Variants in ADRB1 observed in about 807,000 individuals in gnomAD.
The protein encoded by ADRB1 is adrenoceptor beta 1.
For missense variants in ADRB1, 635 were observed against 709.1 expected, an observed-to-expected ratio of 0.90 and a Z score of 1.19; for synonymous variants, 365 against 347.2, an observed-to-expected ratio of 1.05 and a Z score of -0.57.
rs1178326731 is a variant in ADRB1 at position 114,044,956 on chromosome 10, C to T, written c.824C>T (p.Pro275Leu). The stretch of plus-strand genomic sequence containing the variant: ...GGCGGCCCAGCGCGGCCGCCCTCGC[C>T]CTCGCCCTCGCCCGTCCCCGCGCCC... Reference protein sequence around the residue: ...FLGGPARPPSPSPSPVPAPAP... With the variant: ...FLGGPARPPSLSPSPVPAPAP... The change falls in exon 1 of 1, where the codon CCC becomes CTC. Residue 275 changes from proline (P) to leucine (L), a missense_variant. Physicochemically the swap from Pro to Leu is moderately conservative, Grantham distance 98 (BLOSUM62 -3). Transcript: ENST00000369295. The surrounding 1 kb of genome is among the most constrained non-coding windows in gnomAD (Gnocchi z 7.8). 10 of 1,272,154 alleles carry T rather than the reference C, an allele frequency of 7.9e-6. No individual in the cohort carries two copies. The highest frequency in any genetic ancestry group is 1.0e-5 in the Non-Finnish European group (10 of 1,003,184). 78.8% of individuals were successfully genotyped at this position (1,272,154 alleles called of 1,614,324 possible).
Position 114,045,386 on chromosome 10 carries a change from C to T in ADRB1, c.1254C>T (p.Pro418=). 4.8e-6 allele frequency: 6 copies of T among 1,251,006 alleles called. No individual in the cohort carries two copies. Among genetic ancestry groups the T allele is most frequent in the Non-Finnish European group, 6.0e-6 (6 of 996,962 alleles). 77.5% of individuals were successfully genotyped at this position (1,251,006 alleles called of 1,614,324 possible). A position where few individuals can be genotyped will look rare whatever the true frequency, so the allele number is the denominator to read the frequency against. The stretch of plus-strand genomic sequence containing the variant: ...GCGCCTCGGGCTGTCTGGCCCGGCC[C>T]GGACCCCCGCCATCGCCCGGGGCCG... The part of the protein sequence containing the change: ...RPRASGCLAR[P]GPPPSPGAAS... Residue 418 remains proline, a synonymous_variant, in exon 1 of 1, where the codon CCC becomes CCT. Transcript: ENST00000369295.
At position 114,044,601 on chromosome 10, in the gene ADRB1, T is replaced by A. The variant is rs1434322985; in HGVS notation, c.469T>A (p.Tyr157Asn). The change falls in exon 1 of 1, where the codon TAC (tyrosine) becomes AAC (asparagine). Residue 157 changes from tyrosine to asparagine, a missense_variant. Transcript: ENST00000369295. This position sits in a 1 kb window ranked among gnomAD's most constrained non-coding sequence, Gnocchi z 7.8. ...CCTGTGTGTCATTGCCCTGGACCGCTACCTCGCCATCACCTCGCCCTTCCG... is the reference window on the plus strand; with the variant it reads ...CCTGTGTGTCATTGCCCTGGACCGCAACCTCGCCATCACCTCGCCCTTCCG... ...ETLCVIALDR[Y>N]LAITSPFRYQ... 6.2e-7 allele frequency: 1 copy of A among 1,613,326 alleles called. No individual in the cohort carries two copies. Among genetic ancestry groups the A allele is most frequent in the African/African-American group, 1.3e-5 (1 of 74,886 alleles).
Position 114,045,535 on chromosome 10 carries a change from G to A in ADRB1, c.1403G>A (p.Arg468His). Residue 468 changes from arginine to histidine, a missense_variant, in exon 1 of 1, where the codon CGC (arginine) becomes CAC (histidine). By Grantham distance (29) the Arg-to-His change is conservative. Coordinates refer to ENST00000369295, the MANE Select transcript of ADRB1 (RefSeq NM_000684.3). ...DSDSSLDEPC[R>H]PGFASESKV The stretch of plus-strand genomic sequence containing the variant: ...GACTCGAGCCTGGACGAGCCGTGCC[G>A]CCCCGGCTTCGCCTCGGAATCCAAG... The A allele has an allele frequency of 1.5e-6, 2 of 1,309,984 alleles. No homozygotes were observed. Among genetic ancestry groups the A allele is most frequent in the South Asian group, 2.5e-5 (1 of 40,516 alleles). The allele number at this position is 1,309,984 out of a possible 1,614,324, so 81.1% of individuals were successfully genotyped here.
chr10:114,045,441 G>T lies in ADRB1; in HGVS notation c.1309G>T (p.Gly437Trp). 2 of 1,244,956 alleles carry T rather than the reference G, an allele frequency of 1.6e-6. No homozygotes were observed. Among genetic ancestry groups the T allele is most frequent in the South Asian group, 3.7e-5 (1 of 27,042 alleles). 77.1% of individuals were successfully genotyped at this position (1,244,956 alleles called of 1,614,324 possible). The change falls in exon 1 of 1, where the codon GGG becomes TGG. Residue 437 changes from glycine (G) to tryptophan (W), a missense_variant. By Grantham distance (184) the Gly-to-Trp change is radical. Coordinates refer to ENST00000369295, the MANE Select transcript of ADRB1 (RefSeq NM_000684.3). The stretch of plus-strand genomic sequence containing the variant: ...GGACGACGACGACGACGATGTCGTC[G>T]GGGCCACGCCGCCCGCGCGCCTGCT... Reference protein sequence around the residue: ...ASDDDDDDVVGATPPARLLEP... With the variant: ...ASDDDDDDVVWATPPARLLEP...
In ADRB1 at chr10:114,045,040, A is replaced by G; in HGVS notation, c.908A>G (p.Asn303Ser). ...GCCGCCGCCACCGCCCCGCTGGCCA[A>G]CGGGCGTGCGGGTAAGCGGCGGCCC... is the stretch of plus-strand genomic sequence containing the variant. Reference protein sequence around the residue: ...AAAAATAPLANGRAGKRRPSR... With the variant: ...AAAAATAPLASGRAGKRRPSR... Residue 303 changes from asparagine to serine, a missense_variant, in exon 1 of 1, where the codon AAC becomes AGC. Coordinates refer to ENST00000369295, the MANE Select transcript of ADRB1 (RefSeq NM_000684.3). 8.0e-7 allele frequency: 1 copy of G among 1,254,200 alleles called. No individual in the cohort carries two copies. Among genetic ancestry groups the G allele is most frequent in the Middle Eastern group, 3.0e-4 (1 of 3,292 alleles). The allele number at this position is 1,254,200 out of a possible 1,614,324, so 77.7% of individuals were successfully genotyped here.
At position 114,045,501 on chromosome 10, in the gene ADRB1, G is replaced by A; in HGVS notation, c.1369G>A (p.Ala457Thr). 5 of 1,292,912 alleles carry A rather than the reference G, an allele frequency of 3.9e-6. No homozygotes were observed. The highest frequency in any genetic ancestry group is 4.9e-6 in the Non-Finnish European group (5 of 1,018,764). The allele number at this position is 1,292,912 out of a possible 1,614,324, so 80.1% of individuals were successfully genotyped here. Reference sequence around the variant, plus strand: ...GGCCGGCTGCAACGGCGGGGCGGCGGCGGACAGCGACTCGAGCCTGGACGA... The same window carrying A: ...GGCCGGCTGCAACGGCGGGGCGGCGACGGACAGCGACTCGAGCCTGGACGA... ...PWAGCNGGAAADSDSSLDEPC... is the reference protein window; with the variant it reads ...PWAGCNGGAATDSDSSLDEPC... Residue 457 changes from alanine to threonine, a missense_variant, in exon 1 of 1, where the codon GCG becomes ACG. Transcript: ENST00000369295.
Position 114,044,662 on chromosome 10 carries a change from G to A in ADRB1, c.530G>A (p.Gly177Asp). Residue 177 changes from glycine to aspartate, a missense_variant, in exon 1 of 1, where the codon GGC (glycine) becomes GAC (aspartate). Coordinates refer to ENST00000369295, the MANE Select transcript of ADRB1 (RefSeq NM_000684.3). This position sits in a 1 kb window ranked among gnomAD's most constrained non-coding sequence, Gnocchi z 7.8. ...QSLLTRARARGLVCTVWAISA... is the reference protein window; with the variant it reads ...QSLLTRARARDLVCTVWAISA... ...CTGCTGACGCGCGCGCGGGCGCGGGGCCTCGTGTGCACCGTGTGGGCCATC... is the reference window on the plus strand; with the variant it reads ...CTGCTGACGCGCGCGCGGGCGCGGGACCTCGTGTGCACCGTGTGGGCCATC... 3 of 1,612,626 alleles carry A rather than the reference G, an allele frequency of 1.9e-6. No homozygotes were observed. Among genetic ancestry groups the A allele is most frequent in the South Asian group, 2.2e-5 (2 of 91,056 alleles).
Position 114,044,780 on chromosome 10 carries a change from C to T in ADRB1, c.648C>T (p.Cys216=), listed in dbSNP as rs1408950501. The T allele has an allele frequency of 6.2e-7, 1 of 1,613,598 alleles. No individual in the cohort carries two copies. Among genetic ancestry groups the T allele is most frequent in the Admixed American group, 1.7e-5 (1 of 60,032 alleles). Residue 216 remains cysteine, a synonymous_variant, in exon 1 of 1, where the codon TGC becomes TGT. Coordinates refer to ENST00000369295, the MANE Select transcript of ADRB1 (RefSeq NM_000684.3). This position sits in a 1 kb window ranked among gnomAD's most constrained non-coding sequence, Gnocchi z 7.8. ...ARRCYNDPKC[C]DFVTNRAYAI... ...GCTGCTACAACGACCCCAAGTGCTG[C>T]GACTTCGTCACCAACCGGGCCTACG...
Position 114,044,934 on chromosome 10 carries a change from G to A in ADRB1, c.802G>A (p.Gly268Ser). 1 of 1,542,432 alleles carries A rather than the reference G, an allele frequency of 6.5e-7. No individual in the cohort carries two copies. Among genetic ancestry groups the A allele is most frequent in the Non-Finnish European group, 8.7e-7 (1 of 1,145,458 alleles). The change falls in exon 1 of 1, where the codon GGC becomes AGC. Residue 268 changes from glycine (G) to serine (S), a missense_variant. Gly to Ser is a moderately conservative substitution (Grantham distance 56). Coordinates refer to ENST00000369295, the MANE Select transcript of ADRB1 (RefSeq NM_000684.3). This position sits in a 1 kb window ranked among gnomAD's most constrained non-coding sequence, Gnocchi z 7.8. ...IDSCERRFLG[G>S]PARPPSPSPS... The stretch of plus-strand genomic sequence containing the variant: ...CAGCTGCGAGCGCCGTTTCCTCGGC[G>A]GCCCAGCGCGGCCGCCCTCGCCCTC...
chr10:114,044,711 C>T lies in ADRB1; in HGVS notation c.579C>T (p.Pro193=), dbSNP rs1460725203. The T allele has an allele frequency of 1.2e-6, 2 of 1,612,838 alleles. No homozygotes were observed. Among genetic ancestry groups the T allele is most frequent in the South Asian group, 2.2e-5 (2 of 91,060 alleles). The change falls in exon 1 of 1, where the codon CCC becomes CCT. Residue 193 remains proline (P), a synonymous_variant. Coordinates refer to ENST00000369295, the MANE Select transcript of ADRB1 (RefSeq NM_000684.3). This position sits in a 1 kb window ranked among gnomAD's most constrained non-coding sequence, Gnocchi z 7.8. ...WAISALVSFL[P]ILMHWWRAES... ...TCTCGGCCCTGGTGTCCTTCCTGCC[C>T]ATCCTCATGCACTGGTGGCGGGCGG...
In ADRB1 at chr10:114,046,628, T is replaced by C. The variant is rs1030581189; in HGVS notation, c.*1062T>C. On this transcript the variant is annotated 3_prime_UTR_variant, in exon 1 of 1. Transcript: ENST00000369295. ...TAAAATTCAAACTCTACTTCTGTTG[T>C]CTAGTATGTTATTGAGCTAATGATT... is the stretch of plus-strand genomic sequence containing the variant. 1 of 167,104 alleles carries C rather than the reference T, an allele frequency of 6.0e-6. No individual in the cohort carries two copies. Among genetic ancestry groups the C allele is most frequent in the East Asian group, 1.9e-4 (1 of 5,212 alleles). 10.4% of individuals were successfully genotyped at this position (167,104 alleles called of 1,614,324 possible).
In ADRB1 at chr10:114,045,621, C is replaced by G; in HGVS notation, c.*55C>G. On this transcript the variant is annotated 3_prime_UTR_variant, in exon 1 of 1. Coordinates refer to ENST00000369295, the MANE Select transcript of ADRB1 (RefSeq NM_000684.3). ...CGGCTTCCCAGGGGAACGAGGAGAT[C>G]TGTGTTTACTTAAGACCGATAGCAG... 1 of 1,247,194 alleles carries G rather than the reference C, an allele frequency of 8.0e-7. No homozygotes were observed. The allele number at this position is 1,247,194 out of a possible 1,614,324, so 77.3% of individuals were successfully genotyped here. A position where few individuals can be genotyped will look rare whatever the true frequency, so the allele number is the denominator to read the frequency against.
At position 114,045,530 on chromosome 10, in the gene ADRB1, G is replaced by A. The variant is rs1238812387; in HGVS notation, c.1398G>A (p.Pro466=). Residue 466 remains proline, a synonymous_variant, in exon 1 of 1, where the codon CCG becomes CCA. Transcript: ENST00000369295. ...AADSDSSLDE[P]CRPGFASESK... ...ACAGCGACTCGAGCCTGGACGAGCC[G>A]TGCCGCCCCGGCTTCGCCTCGGAAT... 2.3e-6 allele frequency: 3 copies of A among 1,309,266 alleles called. No individual in the cohort carries two copies. The highest frequency in any genetic ancestry group is 3.1e-5 in the East Asian group (1 of 32,286). The allele number at this position is 1,309,266 out of a possible 1,614,324, so 81.1% of individuals were successfully genotyped here.
Position 114,045,010 on chromosome 10 carries a change from C to A in ADRB1, c.878C>A (p.Ala293Asp). ...CCGCCGCCCGGACCCCCGCGCCCCG[C>A]CGCCGCCGCCGCCACCGCCCCGCTG... Reference protein sequence around the residue: ...PAPPPGPPRPAAAAATAPLAN... With the variant: ...PAPPPGPPRPDAAAATAPLAN... Residue 293 changes from alanine (A) to aspartate (D), a missense_variant, in exon 1 of 1, where the codon GCC becomes GAC. Transcript: ENST00000369295. The A allele has an allele frequency of 9.2e-7, 1 of 1,091,148 alleles. No individual in the cohort carries two copies. The highest frequency in any genetic ancestry group is 1.1e-6 in the Non-Finnish European group (1 of 898,346). The allele number at this position is 1,091,148 out of a possible 1,614,324, so 67.6% of individuals were successfully genotyped here. A position where few individuals can be genotyped will look rare whatever the true frequency, so the allele number is the denominator to read the frequency against.
rs2119533437 is a variant in ADRB1 at position 114,045,579 on chromosome 10, G to A, written c.*13G>A. 2 of 1,278,570 alleles carry A rather than the reference G, an allele frequency of 1.6e-6. No individual in the cohort carries two copies. The highest frequency in any genetic ancestry group is 2.9e-5 in the South Asian group (1 of 34,066). The allele number at this position is 1,278,570 out of a possible 1,614,324, so 79.2% of individuals were successfully genotyped here. The stretch of plus-strand genomic sequence containing the variant: ...ATCCAAGGTGTAGGGCCCGGCGCGG[G>A]GCGCGGACTCCGGGCACGGCTTCCC... On this transcript the variant is annotated 3_prime_UTR_variant, in exon 1 of 1. Transcript: ENST00000369295.
chr10:114,045,341 G>A lies in ADRB1; in HGVS notation c.1209G>A (p.Ala403=), dbSNP rs757655002. ...CARRAARRRH[A]THGDRPRASG... ...GCAGGGCTGCCCGCCGGCGCCACGC[G>A]ACCCACGGAGACCGGCCGCGCGCCT... Residue 403 remains alanine, a synonymous_variant, in exon 1 of 1, where the codon GCG becomes GCA. Transcript: ENST00000369295. 1 of 1,490,172 alleles carries A rather than the reference G, an allele frequency of 6.7e-7. No homozygotes were observed. The highest frequency in any genetic ancestry group is 9.0e-7 in the Non-Finnish European group (1 of 1,114,244). 92.3% of individuals were successfully genotyped at this position (1,490,172 alleles called of 1,614,324 possible).
rs1319083788 is a variant in ADRB1, at chr10:114,045,548, C to A, written c.1416C>A (p.Ala472=). The change falls in exon 1 of 1, where the codon GCC becomes GCA. Residue 472 remains alanine, a synonymous_variant. Coordinates refer to ENST00000369295, the MANE Select transcript of ADRB1 (RefSeq NM_000684.3). The part of the protein sequence containing the change: ...SLDEPCRPGF[A]SESKV Reference sequence around the variant, plus strand: ...ACGAGCCGTGCCGCCCCGGCTTCGCCTCGGAATCCAAGGTGTAGGGCCCGG... The same window carrying A: ...ACGAGCCGTGCCGCCCCGGCTTCGCATCGGAATCCAAGGTGTAGGGCCCGG... 1.5e-6 allele frequency: 2 copies of A among 1,309,354 alleles called. No individual in the cohort carries two copies. Among genetic ancestry groups the A allele is most frequent in the African/African-American group, 1.5e-5 (1 of 64,818 alleles). The allele number at this position is 1,309,354 out of a possible 1,614,324, so 81.1% of individuals were successfully genotyped here. A position where few individuals can be genotyped will look rare whatever the true frequency, so the allele number is the denominator to read the frequency against.
At position 114,045,240 on chromosome 10, in the gene ADRB1, T is replaced by C. The variant is rs750342651; in HGVS notation, c.1108T>C (p.Ser370Pro). The change falls in exon 1 of 1, where the codon TCG becomes CCG. Residue 370 changes from serine (S) to proline (P), a missense_variant. Transcript: ENST00000369295. ...CTTCAACTGGCTGGGCTACGCCAAC[T>C]CGGCCTTCAACCCCATCATCTACTG... ...VFFNWLGYAN[S>P]AFNPIIYCRS... The C allele has an allele frequency of 1.3e-6, 2 of 1,599,534 alleles. No homozygotes were observed. Among genetic ancestry groups the C allele is most frequent in the African/African-American group, 1.3e-5 (1 of 74,116 alleles).
Position 114,045,135 on chromosome 10 carries a change from C to T in ADRB1, c.1003C>T (p.Leu335Phe). 1 of 1,588,554 alleles carries T rather than the reference C, an allele frequency of 6.3e-7. No individual in the cohort carries two copies. The highest frequency in any genetic ancestry group is 1.1e-5 in the South Asian group (1 of 88,060). Residue 335 changes from leucine (L) to phenylalanine (F), a missense_variant, in exon 1 of 1, where the codon CTC becomes TTC. Coordinates refer to ENST00000369295, the MANE Select transcript of ADRB1 (RefSeq NM_000684.3). ...GGGCATCATCATGGGCGTCTTCACGCTCTGCTGGCTGCCCTTCTTCCTGGC... is the reference window on the plus strand; with the variant it reads ...GGGCATCATCATGGGCGTCTTCACGTTCTGCTGGCTGCCCTTCTTCCTGGC... The part of the protein sequence containing the change: ...TLGIIMGVFT[L>F]CWLPFFLANV...
Sources: gnomAD v4.1 joint callset for allele counts on GRCh38, gnomAD v4.1.1 for gene constraint, Gnocchi (gnomAD v3.1) non-coding constraint, MANE v1.5 for transcripts, NCBI Gene and HGNC (gene_info 2026-07-23, HGNC 2026-07-21) for gene names.